The following GFRA1 variants were observed in gnomAD, a reference collection of about 807,000 sequenced individuals.
GFRA1 encodes the protein GDNF family receptor alpha-1.
A neutral mutation model predicts 51.6 loss-of-function variants in GFRA1; 16 were observed. The observed-to-expected ratio is 0.31, with a 90% CI of 0.21 to 0.47. The LOEUF is 0.47. GFRA1 is among the 20% of genes least tolerant of loss of function. The pLI is 1.00. For missense variants in GFRA1, 530 were observed against 594.3 expected (o/e 0.89, Z 1.13); for synonymous variants, 270 against 241.3 (o/e 1.12, Z -1.10).
chr10:116,265,276 C>CA lies in GFRA1; in HGVS notation c.418+4226dup, dbSNP rs531907531. On this transcript the variant is annotated intron_variant, in intron 4 of 10. Transcript: ENST00000355422. Reference sequence around the variant, plus strand: ...TTTCCTTCCAGCAAGTCAGGATGTTCAAAACCTAACATTACTCTTTCCCTA... The same window carrying CA: ...TTTCCTTCCAGCAAGTCAGGATGTTCAAAAACCTAACATTACTCTTTCCCTA... Among the ~76,000 whole-genome samples the CA allele has an allele frequency of 2.5e-3, 374 of 151,638 alleles. 1 individual carries two copies. The highest frequency in any genetic ancestry group is 8.7e-3 in the African/African-American group (359 of 41,322).
intron 5 of GFRA1, among the ~76,000 whole-genome samples, chr10:116,205,648 C>T (rs1016902688): frequency 1.4e-4 from 21 of 149,242 alleles, no homozygotes; most frequent in African/African-American, 5.2e-4. Flanking sequence ...ACAAACTGCT[C>T]TTCTTTTATA....
At chr10:116,210,808 A>G (rs1451095304) in intron 5 of GFRA1, among the ~76,000 whole-genome samples, 1 of 152,236 alleles carries the variant, frequency 6.6e-6, no homozygotes, top group Non-Finnish European at 1.5e-5. Flanking sequence ...TAGATTCCAG[A>G]AAGACACAGC....
intron 5 of GFRA1, among the ~76,000 whole-genome samples, chr10:116,129,416 A>G (rs1230730276): frequency 1.3e-5 from 2 of 152,204 alleles, no homozygotes; most frequent in Non-Finnish European, 2.9e-5. Flanking sequence ...AGAATACAGT[A>G]GGAAAACCAT....
At position 116,125,285 on chromosome 10, in the gene GFRA1, C is replaced by T; in HGVS notation, c.706G>A (p.Glu236Lys). 2 of 1,614,224 alleles carry T rather than the reference C, an allele frequency of 1.2e-6. No individual in the cohort carries two copies. Among genetic ancestry groups the T allele is most frequent in the Non-Finnish European group, 1.7e-6 (2 of 1,180,042 alleles). Reference protein sequence around the residue: ...RQTIVPVCSYEEREKPNCLNL... With the variant: ...RQTIVPVCSYKEREKPNCLNL... Reference sequence around the variant, plus strand: ...AAACAGTTGGGCTTCTCCCTCTCTTCATAGGAGCACACAGGCACGATGGTC... The same window carrying T: ...AAACAGTTGGGCTTCTCCCTCTCTTTATAGGAGCACACAGGCACGATGGTC... The change falls in exon 6 of 11, where the codon GAA becomes AAA. Residue 236 changes from glutamate to lysine, a missense_variant. Transcript: ENST00000355422.
chr10:116,161,856 A>T (rs1476133969), intron 5 of GFRA1, among the ~76,000 whole-genome samples: 2 of 152,328 alleles, frequency 1.3e-5, no homozygotes, highest in Middle Eastern at 3.4e-3. Flanking sequence ...ACCTATATAC[A>T]ATTTTACTGC....
chr10:116,249,085 G>A (rs1968103008), intron 4 of GFRA1, among the ~76,000 whole-genome samples: 1 of 152,158 alleles, frequency 6.6e-6, no homozygotes, highest in African/African-American at 2.4e-5. Flanking sequence ...TCCTTTGCTG[G>A]AACATTCTTC....
intron 9 of GFRA1, among the ~76,000 whole-genome samples, chr10:116,076,317 C>CA (rs1955616886): frequency 6.6e-6 from 1 of 152,128 alleles, no homozygotes; most frequent in Non-Finnish European, 1.5e-5. Flanking sequence ...CAAAAGATAT[C>CA]CAAATGGCAG....
At chr10:116,105,210 T>C (rs1380129967) in intron 6 of GFRA1, among the ~76,000 whole-genome samples, 3 of 152,212 alleles carry the variant, frequency 2.0e-5, no homozygotes, top group Non-Finnish European at 4.4e-5. Flanking sequence ...GTGACAAATA[T>C]GTTAAAACTC....
intron 6 of GFRA1, among the ~76,000 whole-genome samples, chr10:116,120,661 A>G (rs997383446): frequency 1.3e-5 from 2 of 152,260 alleles, no homozygotes; most frequent in Admixed American, 6.5e-5. Flanking sequence ...GAAAACGTAG[A>G]GCGTGGACTA....
intron 5 of GFRA1, among the ~76,000 whole-genome samples, chr10:116,194,589 G>A (rs2577374): frequency 0.53 from 80,441 of 151,988 alleles, 21,670 homozygotes; most frequent in Middle Eastern, 0.66. Context: ...CCCTACATCT[G>A]TGGATTACCA....
chr10:116,252,624 T>C (rs1968480396), intron 4 of GFRA1, among the ~76,000 whole-genome samples: 1 of 152,126 alleles, frequency 6.6e-6, no homozygotes, highest in Admixed American at 6.6e-5. Flanking sequence ...ACGCGCACCC[T>C]CACCACTTCC....
chr10:116,177,928 C>A (rs1001198588), intron 5 of GFRA1, among the ~76,000 whole-genome samples: 6 of 152,182 alleles, frequency 3.9e-5, no homozygotes, highest in Non-Finnish European at 8.8e-5. Context: ...AAGCCAGAAG[C>A]AAACCCTCTA....
At chr10:116,105,791 C>A (rs1956983628) in intron 6 of GFRA1, among the ~76,000 whole-genome samples, 1 of 152,140 alleles carries the variant, frequency 6.6e-6, no homozygotes, top group Admixed American at 6.5e-5. Flanking sequence ...ATGATACCCC[C>A]AAATTAAAAA....
intron 5 of GFRA1, 110 bp from the exon 6 acceptor site, chr10:116,125,667 G>C (rs575497885): frequency 1.7e-5 from 14 of 839,810 alleles, no homozygotes; most frequent in Non-Finnish European, 2.7e-5. Flanking sequence ...AGCGGCTCTA[G>C]AACTTAATGA....
intron 6 of GFRA1, among the ~76,000 whole-genome samples, chr10:116,103,813 T>G (rs1407757203): frequency 6.6e-6 from 1 of 152,250 alleles, no homozygotes; most frequent in Non-Finnish European, 1.5e-5. Flanking sequence ...TCCCTCAGTC[T>G]GCTGTAACAC....
intron 4 of GFRA1, among the ~76,000 whole-genome samples, chr10:116,250,077 G>A (rs1968200334): frequency 6.6e-6 from 1 of 152,144 alleles, no homozygotes; most frequent in Non-Finnish European, 1.5e-5. Flanking sequence ...AGGCTTTGAG[G>A]CAGAACAAGA....
chr10:116,217,354 A>C (rs190293392), intron 4 of GFRA1, among the ~76,000 whole-genome samples: 38 of 152,360 alleles, frequency 2.5e-4, no homozygotes, highest in Admixed American at 6.5e-4. Flanking sequence ...TACCATAGGA[A>C]TATCATGAGG....
intron 6 of GFRA1, among the ~76,000 whole-genome samples, chr10:116,122,015 G>T (rs1297694240): frequency 1.4e-4 from 21 of 152,154 alleles, no homozygotes; most frequent in Non-Finnish European, 2.6e-4. Context: ...GAGGGAGGGG[G>T]TAATCATGAG....
At chr10:116,274,428 G>A (rs543278709), upstream of GFRA1, among the ~76,000 whole-genome samples, 32 of 152,360 alleles carry the variant, frequency 2.1e-4, no homozygotes, top group East Asian at 5.6e-3. Context: ...GATCGAGGGG[G>A]GTAAATTGAA....
Sources: gnomAD v4.1 joint callset for allele counts (sites outside exome capture counted in the v4.1 genomes callset) on GRCh38, gnomAD v4.1.1 for gene constraint, MANE v1.5 for transcripts, NCBI Gene and HGNC (gene_info 2026-07-23, HGNC 2026-07-21) for gene names.